The following PPP1R9A variants were observed in gnomAD, a reference collection of about 807,000 sequenced individuals.
PPP1R9A encodes the protein neurabin-1.
In PPP1R9A, 59 loss-of-function variants were observed where a neutral mutation model predicts 141.9. That is an observed-to-expected ratio of 0.42 (90% CI 0.34 to 0.52). PPP1R9A has a LOEUF of 0.52. PPP1R9A is among the 20% of genes least tolerant of loss of function. The pLI, the probability that PPP1R9A is intolerant of heterozygous loss-of-function variation, is 0.10. For synonymous variants in PPP1R9A, 500 were observed against 569.7 expected, an observed-to-expected ratio of 0.88 and a Z score of 1.74; for missense variants, 1,444 against 1,611.9, an observed-to-expected ratio of 0.90 and a Z score of 1.78.
At chr7:95,077,534 T>C (rs1399934315) in intron 2 of PPP1R9A, among the ~76,000 whole-genome samples, 1 of 152,254 alleles carries the variant, frequency 6.6e-6, no homozygotes, top group Non-Finnish European at 1.5e-5. Flanking sequence ...CATAGTATAA[T>C]ATGAGGGAAC....
In PPP1R9A at chr7:95,111,364, G is replaced by C; in HGVS notation, c.1501G>C (p.Glu501Gln). The C allele has an allele frequency of 6.2e-7, 1 of 1,613,778 alleles. No homozygotes were observed. Among genetic ancestry groups the C allele is most frequent in the Non-Finnish European group, 8.5e-7 (1 of 1,179,772 alleles). Reference sequence around the variant, plus strand: ...ACTTGAAAAACGTGTAGAAAAGCTGGAACTTTTCCCAGTGGAGCTAGAGAA... The same window carrying C: ...ACTTGAAAAACGTGTAGAAAAGCTGCAACTTTTCCCAGTGGAGCTAGAGAA... ...YELEKRVEKL[E>Q]LFPVELEKDE... The change falls in exon 3 of 20, where the codon GAA (glutamate) becomes CAA (glutamine). Residue 501 changes from glutamate to glutamine, a missense_variant. Around this residue, in one of 5 missense-constraint regions of PPP1R9A, gnomAD observed 488 missense variants for 542.0 expected, o/e 0.90. Transcript: ENST00000433360.
intron 2 of PPP1R9A, among the ~76,000 whole-genome samples, chr7:94,983,765 G>C (rs908463529): frequency 6.6e-6 from 1 of 152,182 alleles, no homozygotes. Flanking sequence ...ATACAATCAT[G>C]TCATCTGCAA....
At position 95,143,737 on chromosome 7, in the gene PPP1R9A, C is replaced by T. The variant is rs542191183; in HGVS notation, c.1650-18130C>T. On this transcript the variant is annotated intron_variant, in intron 4 of 19. Coordinates refer to ENST00000433360, the MANE Select transcript of PPP1R9A (RefSeq NM_001166160.2). ...ATTACCTGGGCTGGTACTTCCTGGG[C>T]ATTATTATCTAGCAAGTATAATAGA... is the stretch of plus-strand genomic sequence containing the variant. Among the ~76,000 whole-genome samples the T allele has an allele frequency of 2.6e-5, 4 of 152,202 alleles. No individual in the cohort carries two copies. In the East Asian group the frequency reaches 7.7e-4, roughly 29 times the overall value.
chr7:95,025,028 G>A (rs1158293793), intron 2 of PPP1R9A, among the ~76,000 whole-genome samples: 1 of 151,954 alleles, frequency 6.6e-6, no homozygotes, highest in African/African-American at 2.4e-5. Context: ...TTTCTCCTTT[G>A]CGTATGAAGC....
At chr7:95,208,463 G>A (rs1158936063) in intron 7 of PPP1R9A, among the ~76,000 whole-genome samples, 1 of 152,184 alleles carries the variant, frequency 6.6e-6, no homozygotes, top group Non-Finnish European at 1.5e-5. Context: ...GGTGGCTTAT[G>A]CCTGTAATCC....
chr7:95,143,240 T>C (rs1827014960), intron 4 of PPP1R9A, among the ~76,000 whole-genome samples: 1 of 152,206 alleles, frequency 6.6e-6, no homozygotes, highest in South Asian at 2.1e-4. Context: ...ATTAGTTGCT[T>C]AGCTTTCTGG....
chr7:95,089,923 G>T (rs1412380055), intron 2 of PPP1R9A, among the ~76,000 whole-genome samples: 13 of 151,874 alleles, frequency 8.6e-5, no homozygotes, highest in Non-Finnish European at 1.5e-4. Flanking sequence ...AATTTCAACT[G>T]AAGCATGGTA....
At chr7:95,177,224 A>C (rs758797038) in intron 5 of PPP1R9A, among the ~76,000 whole-genome samples, 27 of 152,164 alleles carry the variant, frequency 1.8e-4, no homozygotes, top group Non-Finnish European at 3.1e-4. Context: ...GAGCCTCCTC[A>C]AACAAAACAA....
At chr7:95,027,392 G>A (rs2151783849) in intron 2 of PPP1R9A, among the ~76,000 whole-genome samples, 1 of 152,174 alleles carries the variant, frequency 6.6e-6, no homozygotes, top group East Asian at 1.9e-4. Flanking sequence ...CCCTGCTTCG[G>A]CTCGCCCCAA....
intron 7 of PPP1R9A, among the ~76,000 whole-genome samples, chr7:95,208,822 T>A (rs1791426655): frequency 6.6e-6 from 1 of 151,980 alleles, no homozygotes; most frequent in Non-Finnish European, 1.5e-5. Flanking sequence ...AAAGAATACT[T>A]TTAAGACAGT....
At chr7:94,972,631 TG>T (rs1346811096) in intron 2 of PPP1R9A, among the ~76,000 whole-genome samples, 10 of 152,196 alleles carry the variant, frequency 6.6e-5, no homozygotes, top group African/African-American at 2.4e-4. Context: ...CTGTGTTTCC[TG>T]GGTTTGAGTT....
intron 2 of PPP1R9A, among the ~76,000 whole-genome samples, chr7:95,050,758 T>C (rs1444604929): frequency 6.6e-6 from 1 of 152,140 alleles, no homozygotes; most frequent in Non-Finnish European, 1.5e-5. Flanking sequence ...GAAAGCAGGC[T>C]ATAGGAGAAG....
At chr7:94,924,710 C>A (rs1969500) in intron 2 of PPP1R9A, among the ~76,000 whole-genome samples, 90,668 of 151,684 alleles carry the variant, frequency 0.6, 27,841 homozygotes, top group African/African-American at 0.73. Context: ...TTCTTTTTTT[C>A]GTAGAGACGG....
chr7:95,137,415 C>CAAAGAAAAAAAAAAAAAAAA (rs1825854660), intron 4 of PPP1R9A, among the ~76,000 whole-genome samples: 1 of 91,522 alleles, frequency 1.1e-5, no homozygotes, highest in African/African-American at 4.3e-5. Context: ...GACATGAACT[C>CAAAGAAAAAAAAAAAAAAAA]AAAAAAAAAA....
chr7:95,005,155 A>G (rs1803427903), intron 2 of PPP1R9A, among the ~76,000 whole-genome samples: 1 of 152,058 alleles, frequency 6.6e-6, no homozygotes, highest in Non-Finnish European at 1.5e-5. Flanking sequence ...ATGAAAGGTA[A>G]ATGATTTTAA....
intron 14 of PPP1R9A, among the ~76,000 whole-genome samples, chr7:95,270,216 G>A (rs1417319177): frequency 6.6e-6 from 1 of 152,092 alleles, no homozygotes; most frequent in Non-Finnish European, 1.5e-5. Flanking sequence ...CCTGATGCCT[G>A]GTCTAGAAGT....
intron 2 of PPP1R9A, among the ~76,000 whole-genome samples, chr7:95,103,362 CTTTTT>C (rs897838647): frequency 1.1e-5 from 1 of 88,816 alleles, no homozygotes; most frequent in Non-Finnish European, 2.2e-5. Flanking sequence ...TTTTTCACTT[CTTTTT>C]TTTTTTTTTT....
At chr7:95,235,390 A>T (rs896679479) in intron 8 of PPP1R9A, among the ~76,000 whole-genome samples, 1 of 152,222 alleles carries the variant, frequency 6.6e-6, no homozygotes, top group African/African-American at 2.4e-5. Flanking sequence ...AAAAGAAGAT[A>T]AACAAATGTC....
Position 94,925,255 on chromosome 7 carries a change from A to G in PPP1R9A, c.1395+13747A>G, listed in dbSNP as rs545126016. Among the ~76,000 whole-genome samples, 5 of 152,222 alleles carry G rather than the reference A, an allele frequency of 3.3e-5. No homozygotes were observed. In the South Asian group the frequency reaches 6.2e-4, roughly 19 times the overall value. Reference sequence around the variant, plus strand: ...GTCTGTTGTCCTATTCAGGCCTTCAACTGTTTCAATGAGGCCCACCCACAT... The same window carrying G: ...GTCTGTTGTCCTATTCAGGCCTTCAGCTGTTTCAATGAGGCCCACCCACAT... On this transcript the variant is annotated intron_variant, in intron 2 of 19. Coordinates refer to ENST00000433360, the MANE Select transcript of PPP1R9A (RefSeq NM_001166160.2).
Sources: allele counts gnomAD v4.1 joint callset (sites outside exome capture counted in the v4.1 genomes callset), GRCh38; gene constraint gnomAD v4.1.1; regional missense constraint gnomAD v4.1.1; transcripts MANE v1.5; gene names NCBI Gene and HGNC (gene_info 2026-07-23, HGNC 2026-07-21).